REG4: variants seen among roughly 807,000 people sequenced by gnomAD.
REG4 encodes the protein regenerating family member 4, also known as regenerating islet-derived protein 4.
Under a neutral mutation model 22.3 loss-of-function variants are expected in REG4, and 16 were observed. The observed-to-expected ratio is 0.72, with a 90% CI of 0.49 to 1.09. REG4 has a LOEUF of 1.09. REG4 is among the 50% of genes least tolerant of loss of function. The probability of loss-of-function intolerance (pLI) is 0.00; values close to 1 mark genes in which losing one functional copy is unlikely to be tolerated. For synonymous variants in REG4, 71 were observed against 69.2 expected (o/e 1.03, Z -0.13); for missense variants, 214 against 193.9 (o/e 1.10, Z -0.61).
intron 1 of REG4, among the ~76,000 whole-genome samples, chr1:119,809,616 T>C (rs1487343339): frequency 6.6e-6 from 1 of 152,252 alleles, no homozygotes; most frequent in African/African-American, 2.4e-5. Context: ...CCTGGTTTTG[T>C]TTCTCAGAAA....
chr1:119,802,625 A>G (rs1654146141), intron 3 of REG4: 1 of 1,341,884 alleles, frequency 7.5e-7, no homozygotes, highest in East Asian at 2.8e-5. Context: ...AAGTTTCCAC[A>G]TTTTCTTGGA....
In REG4 at chr1:119,794,590, A is replaced by G. The variant is rs749580336; in HGVS notation, c.*28T>C. ...AGAAAGGAAGAGGACGGGGCTGTGC[A>G]GGAGTTAGCAGAATCTTGATTCTTG... On this transcript the variant is annotated 3_prime_UTR_variant, in exon 6 of 6. Transcript: ENST00000256585. The G allele has an allele frequency of 1.3e-6, 2 of 1,597,942 alleles. No individual in the cohort carries two copies. The highest frequency in any genetic ancestry group is 2.2e-5 in the South Asian group (2 of 90,810).
rs748837350 is a variant in REG4, at chr1:119,798,534, A to C, written c.372T>G (p.Gly124=). The part of the protein sequence containing the change: ...LYRSWSGKSM[G]GNKHCAEMSS... ...TCATCTCAGCACAGTGCTTGTTCCC[A>C]CCCATGGACTTGCCAGACCAGGATC... Residue 124 remains glycine, a synonymous_variant, in exon 5 of 6, where the codon GGT becomes GGG. Coordinates refer to ENST00000256585, the MANE Select transcript of REG4 (RefSeq NM_032044.4). 5 of 1,614,172 alleles carry C rather than the reference A, an allele frequency of 3.1e-6. No individual in the cohort carries two copies. Among genetic ancestry groups the C allele is most frequent in the Non-Finnish European group, 4.2e-6 (5 of 1,179,998 alleles).
intron 2 of REG4, among the ~76,000 whole-genome samples, chr1:119,807,561 G>A (rs1654360914): frequency 6.6e-6 from 1 of 152,176 alleles, no homozygotes; most frequent in Non-Finnish European, 1.5e-5. Context: ...GAACCACCTG[G>A]CCACATAGAA....
At chr1:119,801,523 A>G (rs2793825) in intron 3 of REG4, 113,999 of 152,188 alleles carry the variant, frequency 0.75, 42,933 homozygotes, top group East Asian at 0.9. Flanking sequence ...TGGAGGCTTG[A>G]AGTATGTACG....
At chr1:119,798,732 A>G (rs1410458663) in intron 4 of REG4, 130 bp from the exon 5 acceptor site, 2 of 606,410 alleles carry the variant, frequency 3.3e-6, no homozygotes, top group African/African-American at 3.6e-5. Flanking sequence ...ATGCTTAAAG[A>G]AGGAAAAAGA....
In REG4 at chr1:119,799,839, G is replaced by A. The variant is rs756035160; in HGVS notation, c.189C>T (p.Asn63=). The change falls in exon 4 of 6, where the codon AAC becomes AAT. Residue 63 remains asparagine (N), a synonymous_variant. Transcript: ENST00000256585. ...TCAGGATAGATGCCAGGTGGGCTCC[G>A]TTTCCGTAAGACTGACACTCGAGCT... ...DAELECQSYG[N]GAHLASILSL... is the part of the protein sequence containing the mutation. The A allele has an allele frequency of 2.2e-5, 35 of 1,613,980 alleles. No homozygotes were observed. The highest frequency in any genetic ancestry group is 1.7e-4 in the Middle Eastern group (1 of 6,022).
At chr1:119,803,692 A>G (rs587758867) in intron 2 of REG4, among the ~76,000 whole-genome samples, 1 of 152,364 alleles carries the variant, frequency 6.6e-6, no homozygotes, top group Non-Finnish European at 1.5e-5. Context: ...AAGGCATCAC[A>G]AGAGTGGATG....
intron 2 of REG4, among the ~76,000 whole-genome samples, chr1:119,805,921 C>T (rs116270150): frequency 3.9e-5 from 6 of 152,162 alleles, no homozygotes; most frequent in South Asian, 2.1e-4. Context: ...ATGCAACCAA[C>T]GGCCGCTCTG....
chr1:119,806,320 A>C (rs938731001), intron 2 of REG4, among the ~76,000 whole-genome samples: 1 of 152,180 alleles, frequency 6.6e-6, no homozygotes, highest in Non-Finnish European at 1.5e-5. Context: ...AATCATCTTC[A>C]TAATAACCCT....
intron 2 of REG4, among the ~76,000 whole-genome samples, 193 bp downstream of exon 2, chr1:119,808,510 C>T (rs934202973): frequency 4.6e-5 from 7 of 152,322 alleles, no homozygotes; most frequent in Admixed American, 2.0e-4. Flanking sequence ...GGGTTATAAT[C>T]ATATGGAATT....
At chr1:119,796,730 G>A (rs1653947781) in intron 5 of REG4, among the ~76,000 whole-genome samples, 1 of 152,142 alleles carries the variant, frequency 6.6e-6, no homozygotes, top group African/African-American at 2.4e-5. Flanking sequence ...AGCTGGGTAA[G>A]TAACCATGGG....
intron 3 of REG4, 176 bp downstream of exon 3, chr1:119,802,892 C>CTGAA: frequency 6.4e-7 from 1 of 1,554,926 alleles, no homozygotes; most frequent in Non-Finnish European, 8.7e-7. Context: ...TTCAGCAATG[C>CTGAA]TTACAGAATT....
intron 5 of REG4, among the ~76,000 whole-genome samples, chr1:119,795,396 G>T (rs1488054913): frequency 6.6e-6 from 1 of 152,174 alleles, no homozygotes; most frequent in African/African-American, 2.4e-5. Flanking sequence ...AAAGTTCAAA[G>T]AACTGAAAGC....
Position 119,805,222 on chromosome 1 carries a change from C to T in REG4, c.68-2057G>A, listed in dbSNP as rs587596570. On this transcript the variant is annotated intron_variant, in intron 2 of 5. Transcript: ENST00000256585. ...AAAAATTGATCTTCTTAAGAGAAGG[C>T]TGGCCATTGATTACCAGAGGGCAGA... Among the ~76,000 whole-genome samples, 12 of 152,296 alleles carry T rather than the reference C, an allele frequency of 7.9e-5. 1 individual carries two copies. Among genetic ancestry groups the T allele is most frequent in the African/African-American group, 2.9e-4 (12 of 41,560 alleles).
At chr1:119,810,275 G>A (rs1654457310) in intron 1 of REG4, among the ~76,000 whole-genome samples, 1 of 152,040 alleles carries the variant, frequency 6.6e-6, no homozygotes, top group South Asian at 2.1e-4. Flanking sequence ...TTTAACATAA[G>A]TATGAAACTG....
chr1:119,799,701 C>G, intron 4 of REG4, 24 bp downstream of exon 4: 1 of 1,607,422 alleles, frequency 6.2e-7, no homozygotes, highest in Non-Finnish European at 8.5e-7. Context: ...CCAAGAGGGC[C>G]TTTGTGGCCA....
chr1:119,798,404 G>T, intron 5 of REG4, 93 bp downstream of exon 5: 1 of 923,176 alleles, frequency 1.1e-6, no homozygotes, highest in Non-Finnish European at 1.8e-6. Context: ...AATGAGGAGG[G>T]CAGTGGTCCC....
rs1391315074 is a variant in REG4, at chr1:119,808,299, T to C, written c.67+404A>G. ...TATAAGCGCCATCTCTCTAACTAGA[T>C]TGTAGGTACCTTGCAAACTGGAATC... On this transcript the variant is annotated intron_variant, in intron 2 of 5. Coordinates refer to ENST00000256585, the MANE Select transcript of REG4 (RefSeq NM_032044.4). Among the ~76,000 whole-genome samples, 8 of 152,218 alleles carry C rather than the reference T, an allele frequency of 5.3e-5. No individual in the cohort carries two copies. In the East Asian group the frequency reaches 1.3e-3, roughly 26 times the overall value.
Sources: allele counts gnomAD v4.1 joint callset (sites outside exome capture counted in the v4.1 genomes callset), GRCh38; gene constraint gnomAD v4.1.1; transcripts MANE v1.5; gene names NCBI Gene and HGNC (gene_info 2026-07-23, HGNC 2026-07-21).